CDHR2: variants seen among roughly 807,000 people sequenced by gnomAD.
The protein encoded by CDHR2 is cadherin related family member 2, also known as cadherin-related family member 2.
A neutral mutation model predicts 138.6 loss-of-function variants in CDHR2; 104 were observed. That is an observed-to-expected ratio of 0.75 (90% CI 0.64 to 0.88). CDHR2 has a LOEUF of 0.88. CDHR2 is among the 40% of genes least tolerant of loss of function. The pLI is 0.00. For synonymous variants in CDHR2, 755 were observed against 742.8 expected, an observed-to-expected ratio of 1.02 and a Z score of -0.27; for missense variants, 1,624 against 1,727.6, an observed-to-expected ratio of 0.94 and a Z score of 1.06.
At chr5:176,595,430 G>A (rs1759002018) in intron 31 of CDHR2, 102 bp from the exon 32 acceptor site, 3 of 1,333,064 alleles carry the variant, frequency 2.3e-6, no homozygotes, top group Admixed American at 5.2e-5. Flanking sequence ...CCCTGCCAAG[G>A]AACCACTGGT....
intron 17 of CDHR2, among the ~76,000 whole-genome samples, chr5:176,581,833 A>G (rs1758541410): frequency 6.6e-6 from 1 of 152,232 alleles, no homozygotes; most frequent in Non-Finnish European, 1.5e-5. Flanking sequence ...CCTGACCTAT[A>G]GACAGTATCA....
At chr5:176,575,039 C>T (rs1312205656) in intron 7 of CDHR2, 45 bp from the exon 8 acceptor site, 1 of 1,610,460 alleles carries the variant, frequency 6.2e-7, no homozygotes, top group Non-Finnish European at 8.5e-7. Context: ...GTCCTCGGTG[C>T]AGGGCTGTCC....
At chr5:176,588,572 AGAGTGTGTGT>A (rs1417731641) in intron 21 of CDHR2, among the ~76,000 whole-genome samples, 1 of 139,454 alleles carries the variant, frequency 7.2e-6, no homozygotes, top group Non-Finnish European at 1.5e-5. Flanking sequence ...ACAGTGTGTG[AGAGTGTGTGT>A]GAGGGTGTGT....
In CDHR2 at chr5:176,578,401, G is replaced by A. The variant is rs34726442; in HGVS notation, c.1611G>A (p.Thr537=). 2,731 of 1,613,924 alleles carry A rather than the reference G, an allele frequency of 1.7e-3. 43 individuals are homozygous for A. The African/African-American group carries it at 0.029, about 17-fold the overall frequency. The change falls in exon 16 of 32, where the codon ACG becomes ACA. Residue 537 remains threonine, a synonymous_variant. Coordinates refer to ENST00000261944, the MANE Select transcript of CDHR2 (RefSeq NM_017675.6). The part of the protein sequence containing the change: ...DLFQVDPVSG[T]VTVRNGELLD... ...TCCAAGTGGATCCCGTCTCAGGGAC[G>A]GTGACGGTGAGGAACGGTGAGCTGC...
Position 176,584,954 on chromosome 5 carries a change from G to A in CDHR2, c.2673G>A (p.Thr891=), listed in dbSNP as rs771363313. 52 of 1,573,440 alleles carry A rather than the reference G, an allele frequency of 3.3e-5. No individual in the cohort carries two copies. In the Middle Eastern group the frequency reaches 1.3e-3, roughly 40 times the overall value. The change falls in exon 19 of 32, where the codon ACG becomes ACA. Residue 891 remains threonine (T), a synonymous_variant. Coordinates refer to ENST00000261944, the MANE Select transcript of CDHR2 (RefSeq NM_017675.6). ...AIDYEACDLV[T]LVVRACDLAT... ...ACTACGAGGCCTGTGACCTGGTCAC[G>A]CTGGTTGTGCGGGCCTGTGACCTAG...
At chr5:176,566,850 G>A (rs1758095331) in intron 3 of CDHR2, 2 of 439,522 alleles carry the variant, frequency 4.6e-6, no homozygotes, top group Admixed American at 2.4e-5. Flanking sequence ...CTTCATTCTG[G>A]TTGGCCGTGT....
intron 5 of CDHR2, among the ~76,000 whole-genome samples, chr5:176,570,662 A>G (rs1758203658): frequency 6.6e-6 from 1 of 152,210 alleles, no homozygotes; most frequent in Non-Finnish European, 1.5e-5. Flanking sequence ...TTATATTTAA[A>G]AAATTAACTG....
At chr5:176,544,957 C>A (rs1009074080), upstream of CDHR2, among the ~76,000 whole-genome samples, 7 of 152,122 alleles carry the variant, frequency 4.6e-5, no homozygotes, top group Admixed American at 6.5e-5. Context: ...AGGTGGGCGT[C>A]AGAGGTATTA....
chr5:176,552,142 C>T (rs1042743724), intron 1 of CDHR2, among the ~76,000 whole-genome samples: 13 of 152,194 alleles, frequency 8.5e-5, no homozygotes, highest in Admixed American at 6.5e-4. Context: ...GGTGCCTGTC[C>T]GCAAGTCCCA....
chr5:176,585,086 G>C, intron 19 of CDHR2, 71 bp downstream of exon 19: 1 of 1,457,274 alleles, frequency 6.9e-7, no homozygotes, highest in Non-Finnish European at 9.1e-7. Flanking sequence ...CCCTGGGCTG[G>C]AACTCACAAG....
At chr5:176,546,397 C>A (rs1757585493), upstream of CDHR2, among the ~76,000 whole-genome samples, 1 of 151,998 alleles carries the variant, frequency 6.6e-6, no homozygotes, top group Non-Finnish European at 1.5e-5. Flanking sequence ...CACCATGCCC[C>A]CACGAAAACT....
chr5:176,570,064 G>T (rs1403758362), intron 5 of CDHR2, among the ~76,000 whole-genome samples: 1 of 152,120 alleles, frequency 6.6e-6, no homozygotes. Flanking sequence ...ACACTTCTCA[G>T]CGCTGAGGTA....
intron 31 of CDHR2, 46 bp from the exon 32 acceptor site, chr5:176,595,486 C>T (rs771092678): frequency 1.1e-5 from 17 of 1,523,274 alleles, no homozygotes; most frequent in Admixed American, 7.9e-5. Flanking sequence ...GGGGCACTCG[C>T]CCCACCTTGC....
intron 31 of CDHR2, among the ~76,000 whole-genome samples, chr5:176,594,050 G>C (rs534092588): frequency 6.6e-6 from 1 of 152,196 alleles, no homozygotes; most frequent in Non-Finnish European, 1.5e-5. Flanking sequence ...GGCTGATGCT[G>C]CTCCTAACCC....
intron 8 of CDHR2, 21 bp from the exon 9 acceptor site, chr5:176,575,259 C>A (rs752802702): frequency 6.2e-7 from 1 of 1,614,100 alleles, no homozygotes; most frequent in Non-Finnish European, 8.5e-7. Flanking sequence ...CGCTGGCTCA[C>A]GGGTGGCCAT....
At chr5:176,559,221 G>T (rs150144854) in intron 1 of CDHR2, among the ~76,000 whole-genome samples, 113 of 152,260 alleles carry the variant, frequency 7.4e-4, no homozygotes, top group African/African-American at 2.6e-3. Flanking sequence ...AGTCACTAAG[G>T]CCAGCTCAGA....
intron 19 of CDHR2, among the ~76,000 whole-genome samples, 156 bp from the exon 20 acceptor site, chr5:176,585,798 A>T (rs1758647781): frequency 6.6e-6 from 1 of 150,784 alleles, no homozygotes; most frequent in Non-Finnish European, 1.5e-5. Context: ...GCTGCGGGGC[A>T]CGGGGTTGAG....
chr5:176,578,501 A>G lies in CDHR2; in HGVS notation c.1711A>G (p.Thr571Ala), dbSNP rs962551278. ...TDGGNLSSST[T>A]LQIHLLDIND... ...CGGCGGGAACCTGTCCTCCTCCACC[A>G]CACTGCAGATCCACCTGCTGGACAT... Residue 571 changes from threonine (T) to alanine (A), a missense_variant, in exon 16 of 32, where the codon ACA becomes GCA. Thr to Ala is a moderately conservative substitution (Grantham distance 58). Coordinates refer to ENST00000261944, the MANE Select transcript of CDHR2 (RefSeq NM_017675.6). The G allele has an allele frequency of 6.2e-7, 1 of 1,613,906 alleles. No homozygotes were observed. Among genetic ancestry groups the G allele is most frequent in the African/African-American group, 1.3e-5 (1 of 74,930 alleles).
intron 21 of CDHR2, among the ~76,000 whole-genome samples, chr5:176,588,743 G>A (rs1380037029): frequency 6.7e-6 from 1 of 149,270 alleles, no homozygotes; most frequent in Non-Finnish European, 1.5e-5. Flanking sequence ...GAGAGAGTAT[G>A]GCAGTGGAGG....
Sources: gnomAD v4.1 joint callset for allele counts (sites outside exome capture counted in the v4.1 genomes callset) on GRCh38, gnomAD v4.1.1 for gene constraint, MANE v1.5 for transcripts, NCBI Gene and HGNC (gene_info 2026-07-23, HGNC 2026-07-21) for gene names.